Variants in NINL observed in about 807,000 individuals in gnomAD.
NINL encodes the protein ninein-like protein.
NINL carries 153 observed loss-of-function variants against 160.3 expected under a neutral mutation model. That is an observed-to-expected ratio of 0.95 (90% CI 0.84 to 1.09). The LOEUF (loss-of-function observed/expected upper bound fraction) is 1.09, where lower values mean the gene tolerates loss of function less well. Ranked by LOEUF, NINL falls within the 50% of genes least tolerant of loss-of-function variation. The pLI is 0.00. For missense variants in NINL, 1,829 were observed against 1,764.0 expected, an observed-to-expected ratio of 1.04 and a Z score of -0.66; for synonymous variants, 800 against 734.8, an observed-to-expected ratio of 1.09 and a Z score of -1.43.
At chr20:25,537,667 G>A (rs543973210) in intron 1 of NINL, among the ~76,000 whole-genome samples, 178 of 152,330 alleles carry the variant, frequency 1.2e-3, no homozygotes, top group African/African-American at 3.5e-3. Flanking sequence ...ACGGGGATGC[G>A]TCATGGGGAG....
chr20:25,504,119 T>C lies in NINL; in HGVS notation c.709-15A>G, dbSNP rs1214496888. 5 of 1,551,142 alleles carry C rather than the reference T, an allele frequency of 3.2e-6. No homozygotes were observed. Among genetic ancestry groups the C allele is most frequent in the Non-Finnish European group, 4.3e-6 (5 of 1,149,890 alleles). ...TCTTCGAGTTCCTAAACAAAAGCCG[T>C]CATATCTCAGGCCCACCCACAAGAG... On this transcript the variant is annotated splice_polypyrimidine_tract_variant and intron_variant, in intron 6 of 23. Transcript: ENST00000278886.
intron 1 of NINL, among the ~76,000 whole-genome samples, chr20:25,581,758 G>A (rs1219258311): frequency 6.6e-6 from 1 of 152,184 alleles, no homozygotes; most frequent in Non-Finnish European, 1.5e-5. Flanking sequence ...AGACACTGTT[G>A]GAACTTTGCC....
intron 3 of NINL, among the ~76,000 whole-genome samples, chr20:25,515,103 T>C (rs1239423703): frequency 2.0e-5 from 3 of 152,156 alleles, no homozygotes; most frequent in South Asian, 4.1e-4. Context: ...GATCCACTGA[T>C]AGCTTGCACT....
At position 25,520,318 on chromosome 20, in the gene NINL, GAGA is replaced by G. The variant is rs1253100449; in HGVS notation, c.181-2472_181-2470del. Among the ~76,000 whole-genome samples the G allele has an allele frequency of 2.6e-5, 4 of 152,316 alleles. No homozygotes were observed. The East Asian group carries it at 5.8e-4, about 22-fold the overall frequency. ...GTCAAAATATCACCACTAAGTGTTG[GAGA>G]AGAAGGTTTGGGGCCATAGGTCCAA... On this transcript the variant is annotated intron_variant, in intron 2 of 23. Transcript: ENST00000278886.
chr20:25,513,609 C>T (rs912547584), intron 3 of NINL, among the ~76,000 whole-genome samples: 1 of 152,234 alleles, frequency 6.6e-6, no homozygotes, highest in African/African-American at 2.4e-5. Flanking sequence ...TGTCCCCACC[C>T]AAATCTCATG....
At position 25,503,939 on chromosome 20, in the gene NINL, T is replaced by C; in HGVS notation, c.861+13A>G. 1 of 1,614,108 alleles carries C rather than the reference T, an allele frequency of 6.2e-7. No individual in the cohort carries two copies. The highest frequency in any genetic ancestry group is 8.5e-7 in the Non-Finnish European group (1 of 1,179,994). ...GTGGTTGCTGGGTTCAGGATTTAAC[T>C]GTTGCATTTTACCTGGTAATGAGAC... is the stretch of plus-strand genomic sequence containing the variant. On this transcript the variant is annotated intron_variant, in intron 7 of 23. Coordinates refer to ENST00000278886, the MANE Select transcript of NINL (RefSeq NM_025176.6).
chr20:25,479,113 C>A lies in NINL; in HGVS notation c.2011G>T (p.Val671Leu), dbSNP rs200310183. The A allele has an allele frequency of 6.2e-7, 1 of 1,613,866 alleles. No homozygotes were observed. Among genetic ancestry groups the A allele is most frequent in the Non-Finnish European group, 8.5e-7 (1 of 1,180,040 alleles). Reference sequence around the variant, plus strand: ...AGGTCGGCCTTCTGACCCTCCAGCACGCTGACCTCGCGCCTGCGAGCCTGC... The same window carrying A: ...AGGTCGGCCTTCTGACCCTCCAGCAAGCTGACCTCGCGCCTGCGAGCCTGC... ...MEQARRREVSVLEGQKADLEE... is the reference protein window; with the variant it reads ...MEQARRREVSLLEGQKADLEE... The change falls in exon 16 of 24, where the codon GTG becomes TTG. Residue 671 changes from valine (V) to leucine (L), a missense_variant. By Grantham distance (32) the Val-to-Leu change is conservative. Coordinates refer to ENST00000278886, the MANE Select transcript of NINL (RefSeq NM_025176.6).
chr20:25,487,346 G>A (rs2063523621), intron 13 of NINL, among the ~76,000 whole-genome samples: 1 of 152,098 alleles, frequency 6.6e-6, no homozygotes, highest in Admixed American at 6.6e-5. Context: ...GCTGTTATTT[G>A]TGGATGCATA....
Position 25,512,971 on chromosome 20 carries a change from C to T in NINL, c.313G>A (p.Gly105Ser), listed in dbSNP as rs2064100568. 2.5e-6 allele frequency: 4 copies of T among 1,608,354 alleles called. No homozygotes were observed. The African/African-American group carries it at 5.4e-5, about 22-fold the overall frequency. The change falls in exon 4 of 24, where the codon GGT (glycine) becomes AGT (serine). Residue 105 changes from glycine to serine, a missense_variant. Gly to Ser is a moderately conservative substitution (Grantham distance 56). Coordinates refer to ENST00000278886, the MANE Select transcript of NINL (RefSeq NM_025176.6). ...CTCCGACGGCCATACCACTTAGAACCATTCACATACTTTGGAGGGATGGCA... is the reference window on the plus strand; with the variant it reads ...CTCCGACGGCCATACCACTTAGAACTATTCACATACTTTGGAGGGATGGCA... The part of the protein sequence containing the change: ...SSAIPPKYVN[G>S]SKWYGRRSRP...
intron 21 of NINL, among the ~76,000 whole-genome samples, chr20:25,460,635 C>T (rs563314309): frequency 6.6e-6 from 1 of 152,326 alleles, no homozygotes; most frequent in South Asian, 2.1e-4. Context: ...AACTGACAGC[C>T]TGTAGCTGCA....
chr20:25,505,632 C>G (rs60054780), intron 5 of NINL, among the ~76,000 whole-genome samples: 1 of 152,138 alleles, frequency 6.6e-6, no homozygotes, highest in East Asian at 1.9e-4. Flanking sequence ...AAACCAGCAA[C>G]AGTTAAGTCC....
At chr20:25,574,874 C>T (rs2065096792) in intron 1 of NINL, among the ~76,000 whole-genome samples, 1 of 151,956 alleles carries the variant, frequency 6.6e-6, no homozygotes, top group African/African-American at 2.4e-5. Flanking sequence ...ATAACAGAGC[C>T]AGAGAAAAAT....
rs10536325 is a variant in NINL at position 25,571,867 on chromosome 20, GAAAAAAAAAA to G, written c.-12+13578_-12+13587del. Reference sequence around the variant, plus strand: ...TGGTCAAGAGAGTGAGACTCTGTCTGAAAAAAAAAAAAAAAAAAAAAAAAAAGGTTGCTTT... The same window carrying G: ...TGGTCAAGAGAGTGAGACTCTGTCTGAAAAAAAAAAAAAAAAGGTTGCTTT... On this transcript the variant is annotated intron_variant, in intron 1 of 23. Transcript: ENST00000278886. Among the ~76,000 whole-genome samples the G allele has an allele frequency of 3.1e-4, 13 of 41,564 alleles. No homozygotes were observed. In the South Asian group the frequency reaches 5.2e-3, roughly 17 times the overall value. The allele number at this position is 41,564 out of a possible 152,430, so 27.3% of individuals were successfully genotyped here.
At chr20:25,487,481 G>A (rs902378902) in intron 13 of NINL, among the ~76,000 whole-genome samples, 25 of 152,210 alleles carry the variant, frequency 1.6e-4, no homozygotes, top group Middle Eastern at 3.4e-3. Flanking sequence ...ATGCCCAGCC[G>A]TTCCTGATGC....
intron 19 of NINL, 158 bp from the exon 20 acceptor site, chr20:25,462,699 G>T: frequency 1.6e-6 from 1 of 642,198 alleles, no homozygotes; most frequent in East Asian, 3.1e-5. Context: ...CTGTTGCCCT[G>T]GCTGGAGTGC....
At chr20:25,500,793 G>C (rs1301568598) in intron 8 of NINL, 47 bp downstream of exon 8, 3 of 1,585,606 alleles carry the variant, frequency 1.9e-6, no homozygotes, top group East Asian at 2.2e-5. Context: ...GCAGCAGACG[G>C]GCCCCCCAGG....
At chr20:25,580,239 CAGG>C (rs1306991015) in intron 1 of NINL, among the ~76,000 whole-genome samples, 1 of 151,840 alleles carries the variant, frequency 6.6e-6, no homozygotes, top group African/African-American at 2.4e-5. Context: ...GAGGCTAAGA[CAGG>C]AGAATTGCTT....
intron 1 of NINL, among the ~76,000 whole-genome samples, chr20:25,577,293 G>C (rs2065125669): frequency 6.6e-6 from 1 of 151,898 alleles, no homozygotes; most frequent in Non-Finnish European, 1.5e-5. Context: ...GCGTCCCCAA[G>C]TCTGTTCAAG....
At chr20:25,510,363 A>G (rs1007922095) in intron 5 of NINL, among the ~76,000 whole-genome samples, 8 of 152,346 alleles carry the variant, frequency 5.3e-5, no homozygotes, top group African/African-American at 1.9e-4. Flanking sequence ...CCACAGGGCC[A>G]CACCTGCCAG....
Sources: gnomAD v4.1 joint callset for allele counts (sites outside exome capture counted in the v4.1 genomes callset) on GRCh38, gnomAD v4.1.1 for gene constraint, MANE v1.5 for transcripts, NCBI Gene and HGNC (gene_info 2026-07-23, HGNC 2026-07-21) for gene names.